TAFA4: variants seen among roughly 807,000 people sequenced by gnomAD.
TAFA4 encodes chemokine-like protein TAFA-4.
A neutral mutation model predicts 21.1 loss-of-function variants in TAFA4; 20 were observed. The ratio of observed to expected loss-of-function variants is 0.95; its 90% CI spans 0.67 to 1.38. The LOEUF is 1.38. Ranked by LOEUF, TAFA4 falls within the 40% of genes most tolerant of loss-of-function variation. TAFA4 has a pLI of 0.00. For synonymous variants in TAFA4, 71 were observed against 67.4 expected (o/e 1.05, Z -0.26); for missense variants, 211 against 180.9 (o/e 1.17, Z -0.95).
intron 3 of TAFA4, among the ~76,000 whole-genome samples, chr3:68,797,889 T>C (rs1404903940): frequency 6.6e-6 from 1 of 152,194 alleles, no homozygotes; most frequent in Admixed American, 6.5e-5. Flanking sequence ...AGCACAGCGA[T>C]GTGAGTATAC....
intron 3 of TAFA4, among the ~76,000 whole-genome samples, chr3:68,838,585 G>A (rs1704578110): frequency 6.6e-6 from 1 of 152,196 alleles, no homozygotes; most frequent in Non-Finnish European, 1.5e-5. Context: ...TGAAGGGCCA[G>A]ACAGTAAATA....
At chr3:68,830,001 G>A (rs1704344289) in intron 3 of TAFA4, among the ~76,000 whole-genome samples, 1 of 152,140 alleles carries the variant, frequency 6.6e-6, no homozygotes, top group Non-Finnish European at 1.5e-5. Flanking sequence ...TTCTCTGATG[G>A]TAGTTTGTGT....
At chr3:68,789,913 C>A (rs1243137896) in intron 3 of TAFA4, among the ~76,000 whole-genome samples, 3 of 152,158 alleles carry the variant, frequency 2.0e-5, no homozygotes, top group South Asian at 2.1e-4. Flanking sequence ...ACTTGCCCTA[C>A]AAGAAATGCT....
At chr3:68,892,903 G>A (rs2089744421) in intron 1 of TAFA4, among the ~76,000 whole-genome samples, 2 of 152,186 alleles carry the variant, frequency 1.3e-5, no homozygotes, top group Admixed American at 1.3e-4. Context: ...AAACTTAGCT[G>A]GCAAGTTACA....
chr3:68,818,876 A>C (rs1179167719), intron 3 of TAFA4, among the ~76,000 whole-genome samples: 2 of 152,266 alleles, frequency 1.3e-5, no homozygotes, highest in African/African-American at 4.8e-5. Flanking sequence ...AGAATTACCC[A>C]AATGGGACAT....
At chr3:68,808,340 G>A (rs1703748952) in intron 3 of TAFA4, among the ~76,000 whole-genome samples, 1 of 152,100 alleles carries the variant, frequency 6.6e-6, no homozygotes, top group African/African-American at 2.4e-5. Context: ...CCTGTCTCAT[G>A]ACCTCTCTAA....
At chr3:68,735,165 A>G (rs1019239782) in intron 5 of TAFA4, among the ~76,000 whole-genome samples, 2 of 151,828 alleles carry the variant, frequency 1.3e-5, no homozygotes, top group Non-Finnish European at 2.9e-5. Flanking sequence ...TCTGAGCTGG[A>G]CATTAAAAGA....
chr3:68,873,374 A>ACACACACACACACC (rs1216878409), intron 3 of TAFA4, among the ~76,000 whole-genome samples: 12 of 140,276 alleles, frequency 8.6e-5, no homozygotes, highest in African/African-American at 2.8e-4. Flanking sequence ...ACACACACAC[A>ACACACACACACACC]CACCCTGGGC....
rs2089862060 is a variant in TAFA4, at chr3:68,903,307, A to C, written c.-122-17997T>G. On this transcript the variant is annotated intron_variant, in intron 1 of 5. Coordinates refer to ENST00000295569, the MANE Select transcript of TAFA4 (RefSeq NM_182522.5). ...GGGTCCATAAACCGGGATGAGAAAA[A>C]AAAATGACATCTTAATATTTATGAG... 2.6e-5 allele frequency among the ~76,000 whole-genome samples: 4 copies of C among 152,326 alleles called. No individual in the cohort carries two copies. The South Asian group carries it at 8.3e-4, about 32-fold the overall frequency.
At chr3:68,864,759 G>C (rs1423695519) in intron 3 of TAFA4, among the ~76,000 whole-genome samples, 3 of 152,022 alleles carry the variant, frequency 2.0e-5, no homozygotes, top group Non-Finnish European at 4.4e-5. Flanking sequence ...GCAATAAAAA[G>C]AAATGAGGTT....
At chr3:68,877,918 T>C (rs776586707) in intron 3 of TAFA4, among the ~76,000 whole-genome samples, 4 of 152,222 alleles carry the variant, frequency 2.6e-5, no homozygotes, top group Non-Finnish European at 4.4e-5. Context: ...CCTTATTAGT[T>C]ATCCCAATAA....
chr3:68,771,988 G>A (rs1048396620), intron 3 of TAFA4, among the ~76,000 whole-genome samples: 2 of 152,040 alleles, frequency 1.3e-5, no homozygotes, highest in Non-Finnish European at 2.9e-5. Context: ...GCAACCAAAT[G>A]AGGAATGGGC....
chr3:68,742,100 T>A (rs933539343), intron 4 of TAFA4, among the ~76,000 whole-genome samples: 2 of 152,172 alleles, frequency 1.3e-5, no homozygotes, highest in African/African-American at 4.8e-5. Context: ...ATTAACAGAA[T>A]GAAGGATAAA....
intron 1 of TAFA4, among the ~76,000 whole-genome samples, chr3:68,896,703 G>C (rs1337545736): frequency 6.6e-6 from 1 of 152,194 alleles, no homozygotes; most frequent in Non-Finnish European, 1.5e-5. Context: ...AATTTGGCCA[G>C]CTATCTGGAG....
Position 68,861,239 on chromosome 3 carries a change from G to A in TAFA4, c.130+19491C>T, listed in dbSNP as rs575172298. ...CTAAGGGAATCCAGAAGTTACCTGCGATGAGGGTTCACTGTGAAGTATTCT... is the reference window on the plus strand; with the variant it reads ...CTAAGGGAATCCAGAAGTTACCTGCAATGAGGGTTCACTGTGAAGTATTCT... On this transcript the variant is annotated intron_variant, in intron 3 of 5. Coordinates refer to ENST00000295569, the MANE Select transcript of TAFA4 (RefSeq NM_182522.5). Among the ~76,000 whole-genome samples, 133 of 151,816 alleles carry A rather than the reference G, an allele frequency of 8.8e-4. 1 individual carries two copies. The highest frequency in any genetic ancestry group is 9.6e-4 in the Non-Finnish European group (65 of 67,954).
intron 3 of TAFA4, among the ~76,000 whole-genome samples, chr3:68,869,841 A>T (rs1288330838): frequency 6.6e-6 from 1 of 152,068 alleles, no homozygotes; most frequent in Non-Finnish European, 1.5e-5. Flanking sequence ...TCAACATAAC[A>T]TTTGAAGTTC....
At chr3:68,892,290 C>T (rs1383285055) in intron 1 of TAFA4, among the ~76,000 whole-genome samples, 1 of 152,084 alleles carries the variant, frequency 6.6e-6, no homozygotes, top group Non-Finnish European at 1.5e-5. Context: ...TTACAACATG[C>T]TAAAGTATGT....
chr3:68,907,632 CTG>C (rs2089917238), intron 1 of TAFA4, among the ~76,000 whole-genome samples: 1 of 152,138 alleles, frequency 6.6e-6, no homozygotes, highest in Non-Finnish European at 1.5e-5. Context: ...AGAGGGGACA[CTG>C]TTTCAGGGAA....
intron 3 of TAFA4, among the ~76,000 whole-genome samples, chr3:68,868,588 T>C (rs1479269244): frequency 6.6e-6 from 1 of 151,964 alleles, no homozygotes; most frequent in Non-Finnish European, 1.5e-5. Flanking sequence ...TAGAAATCAG[T>C]AATAAGAACT....
Sources: gnomAD v4.1 joint callset for allele counts (sites outside exome capture counted in the v4.1 genomes callset) on GRCh38, gnomAD v4.1.1 for gene constraint, MANE v1.5 for transcripts, NCBI Gene and HGNC (gene_info 2026-07-23, HGNC 2026-07-21) for gene names.